Variants in CLSTN2 observed in about 807,000 individuals in gnomAD.
CLSTN2 encodes the protein calsyntenin-2.
Under a neutral mutation model 101.2 loss-of-function variants are expected in CLSTN2, and 48 were observed. The ratio of observed to expected loss-of-function variants is 0.47; its 90% CI spans 0.38 to 0.60. The LOEUF is 0.60. Ranked by LOEUF, CLSTN2 falls within the 20% of genes least tolerant of loss-of-function variation. The pLI is 0.00. For synonymous variants in CLSTN2, 481 were observed against 463.6 expected (o/e 1.04, Z -0.48); for missense variants, 1,160 against 1,238.2 (o/e 0.94, Z 0.95).
intron 2 of CLSTN2, among the ~76,000 whole-genome samples, chr3:140,346,841 TCC>T (rs1448619240): frequency 6.6e-6 from 1 of 152,122 alleles, no homozygotes; most frequent in Admixed American, 6.5e-5. Flanking sequence ...TGGTAGATGC[TCC>T]AGAGTCTGGA....
Position 140,492,465 on chromosome 3 carries a change from T to C in CLSTN2, c.1344+25734T>C, listed in dbSNP as rs541897946. ...AAGACATTATCCATGTCCATGAGGA[T>C]AGTAGATTACTGTCATTGAACACAC... On this transcript the variant is annotated intron_variant, in intron 8 of 16. Transcript: ENST00000458420. Among the ~76,000 whole-genome samples, 18 of 152,354 alleles carry C rather than the reference T, an allele frequency of 1.2e-4. No homozygotes were observed. In the South Asian group the frequency reaches 3.3e-3, roughly 28 times the overall value.
At chr3:140,205,452 A>C (rs1301226066) in intron 2 of CLSTN2, among the ~76,000 whole-genome samples, 2 of 152,182 alleles carry the variant, frequency 1.3e-5, no homozygotes, top group Non-Finnish European at 2.9e-5. Context: ...CACACCTTGA[A>C]GTAGGAGTTT....
chr3:140,005,619 C>A (rs962026937), intron 1 of CLSTN2, among the ~76,000 whole-genome samples: 1 of 152,128 alleles, frequency 6.6e-6, no homozygotes, highest in Admixed American at 6.5e-5. Context: ...AAAATTCCCA[C>A]CGTTGAACAG....
At chr3:140,536,419 A>C (rs2107781647) in intron 9 of CLSTN2, among the ~76,000 whole-genome samples, 1 of 152,276 alleles carries the variant, frequency 6.6e-6, no homozygotes, top group South Asian at 2.1e-4. Flanking sequence ...AGACCATAGC[A>C]TGATCTAGTT....
chr3:140,161,034 G>A (rs1243167563), intron 1 of CLSTN2, among the ~76,000 whole-genome samples: 1 of 152,110 alleles, frequency 6.6e-6, no homozygotes, highest in South Asian at 2.1e-4. Context: ...CACACACGGA[G>A]CACCTACCAT....
chr3:140,173,991 C>T (rs1401031198), intron 1 of CLSTN2, among the ~76,000 whole-genome samples: 1 of 152,234 alleles, frequency 6.6e-6, no homozygotes, highest in Non-Finnish European at 1.5e-5. Flanking sequence ...CTTCTCGTTA[C>T]TTATGAAAAT....
At chr3:140,256,957 GACAA>G (rs1281838980) in intron 2 of CLSTN2, among the ~76,000 whole-genome samples, 5 of 152,180 alleles carry the variant, frequency 3.3e-5, no homozygotes, top group African/African-American at 1.2e-4. Flanking sequence ...TGGCTGGGAA[GACAA>G]ACTTAAAACA....
At chr3:140,131,419 A>C (rs1376925664) in intron 1 of CLSTN2, among the ~76,000 whole-genome samples, 1 of 146,998 alleles carries the variant, frequency 6.8e-6, no homozygotes, top group Non-Finnish European at 1.5e-5. Context: ...TCTGAAATAC[A>C]AATTATGCGT....
intron 2 of CLSTN2, among the ~76,000 whole-genome samples, chr3:140,234,652 G>A (rs1224142369): frequency 3.3e-5 from 5 of 152,142 alleles, no homozygotes; most frequent in African/African-American, 1.2e-4. Context: ...CCTAATGCTT[G>A]CTTTCGTTCA....
intron 5 of CLSTN2, among the ~76,000 whole-genome samples, chr3:140,426,468 T>A (rs1312166674): frequency 6.6e-6 from 1 of 152,250 alleles, no homozygotes; most frequent in Non-Finnish European, 1.5e-5. Context: ...TGTTCCTTTT[T>A]ATGGCCACAT....
intron 2 of CLSTN2, among the ~76,000 whole-genome samples, chr3:140,195,098 G>T (rs141653291): frequency 7.7e-4 from 117 of 152,310 alleles, no homozygotes; most frequent in Non-Finnish European, 1.4e-3. Context: ...CCCCATGAGT[G>T]TGGATGTCTA....
intron 8 of CLSTN2, among the ~76,000 whole-genome samples, chr3:140,511,453 C>T (rs1934811827): frequency 6.6e-6 from 1 of 151,750 alleles, no homozygotes; most frequent in African/African-American, 2.4e-5. Flanking sequence ...CACTGTCTTC[C>T]ACAATGGTTG....
chr3:140,150,587 T>C (rs1416550610), intron 1 of CLSTN2, among the ~76,000 whole-genome samples: 1 of 152,134 alleles, frequency 6.6e-6, no homozygotes, highest in African/African-American at 2.4e-5. Context: ...CCTTATTCAG[T>C]GACTGATAAA....
At chr3:140,159,915 A>G (rs1018447041) in intron 1 of CLSTN2, among the ~76,000 whole-genome samples, 2 of 152,200 alleles carry the variant, frequency 1.3e-5, no homozygotes, top group African/African-American at 4.8e-5. Flanking sequence ...GCAGGAATAG[A>G]AAATGAAATA....
intron 2 of CLSTN2, among the ~76,000 whole-genome samples, chr3:140,248,511 G>A (rs549786720): frequency 6.6e-6 from 1 of 152,196 alleles, no homozygotes; most frequent in Non-Finnish European, 1.5e-5. Flanking sequence ...ACTTGCTTGT[G>A]TGAGATTCAC....
At chr3:140,063,934 C>T (rs2008254807) in intron 1 of CLSTN2, among the ~76,000 whole-genome samples, 1 of 152,220 alleles carries the variant, frequency 6.6e-6, no homozygotes, top group African/African-American at 2.4e-5. Context: ...ACAGTGACCC[C>T]TGGGTGCTGT....
intron 1 of CLSTN2, among the ~76,000 whole-genome samples, chr3:140,012,211 A>G (rs1050353658): frequency 1.3e-5 from 2 of 152,118 alleles, no homozygotes; most frequent in African/African-American, 4.8e-5. Context: ...GAGAATGCCA[A>G]GAGAAGGGAG....
intron 1 of CLSTN2, among the ~76,000 whole-genome samples, chr3:140,104,805 CT>C (rs2009024747): frequency 6.6e-6 from 1 of 152,194 alleles, no homozygotes; most frequent in South Asian, 2.1e-4. Context: ...GAAACTTCAT[CT>C]CTACTAAAAA....
Position 140,318,794 on chromosome 3 carries a change from G to C in CLSTN2, c.233-84835G>C, listed in dbSNP as rs553569361. On this transcript the variant is annotated intron_variant, in intron 2 of 16. Coordinates refer to ENST00000458420, the MANE Select transcript of CLSTN2 (RefSeq NM_022131.3). ...CTTTTAGTGCCTACTTTGTACCTAA[G>C]CTTGTGCTAAATGTTGAGGAGGAGT... Among the ~76,000 whole-genome samples, 26 of 152,304 alleles carry C rather than the reference G, an allele frequency of 1.7e-4. 1 individual carries two copies. The South Asian group carries it at 5.4e-3, about 32-fold the overall frequency.
Sources: allele counts gnomAD v4.1 joint callset (sites outside exome capture counted in the v4.1 genomes callset), GRCh38; gene constraint gnomAD v4.1.1; transcripts MANE v1.5; gene names NCBI Gene and HGNC (gene_info 2026-07-23, HGNC 2026-07-21).